Variants in KIAA1958 observed in about 807,000 individuals in gnomAD.
The protein encoded by KIAA1958 is uncharacterized protein KIAA1958.
KIAA1958 carries 14 observed loss-of-function variants against 47.2 expected under a neutral mutation model. The observed-to-expected ratio is 0.30, with a 90% confidence interval of 0.20 to 0.46. KIAA1958 has a LOEUF of 0.46. Ranked by LOEUF, KIAA1958 falls within the 20% of genes least tolerant of loss-of-function variation. KIAA1958 has a pLI of 1.00. For synonymous variants in KIAA1958, 354 were observed against 353.3 expected (o/e 1.00, Z -0.02); for missense variants, 803 against 909.2 (o/e 0.88, Z 1.50).
At chr9:112,510,298 A>G (rs1834302777) in intron 1 of KIAA1958, among the ~76,000 whole-genome samples, 1 of 152,222 alleles carries the variant, frequency 6.6e-6, no homozygotes, top group African/African-American at 2.4e-5. Flanking sequence ...CATAGTGAGC[A>G]TGAACTGCTT....
At chr9:112,564,558 C>T (rs1447357273) in intron 1 of KIAA1958, among the ~76,000 whole-genome samples, 1 of 152,064 alleles carries the variant, frequency 6.6e-6, no homozygotes, top group South Asian at 2.1e-4. Context: ...TCCTTTCATA[C>T]CTTTTTTTTC....
chr9:112,614,829 T>A (rs2131213663), intron 2 of KIAA1958, among the ~76,000 whole-genome samples: 1 of 152,292 alleles, frequency 6.6e-6, no homozygotes, highest in East Asian at 1.9e-4. Context: ...GTTAGCATGG[T>A]GCTGAAATGT....
At position 112,575,242 on chromosome 9, in the gene KIAA1958, T is replaced by C; in HGVS notation, c.1162T>C (p.Cys388Arg). Residue 388 changes from cysteine (C) to arginine (R), a missense_variant, in exon 2 of 4, where the codon TGC becomes CGC. By Grantham distance (180) the Cys-to-Arg change is radical (BLOSUM62 -3). Around this residue, in one of 2 missense-constraint regions of KIAA1958, gnomAD observed 761 missense variants for 829.3 expected, o/e 0.92. Coordinates refer to ENST00000337530, the MANE Select transcript of KIAA1958 (RefSeq NM_133465.4). ...PAITTEATAQ[C>R]IPAYSTKLNK... is the part of the protein sequence containing the mutation. ...CATAACCACTGAGGCCACAGCACAGTGCATACCAGGTATGGCACATGAGGC... is the reference window on the plus strand; with the variant it reads ...CATAACCACTGAGGCCACAGCACAGCGCATACCAGGTATGGCACATGAGGC... 6.5e-7 allele frequency: 1 copy of C among 1,529,376 alleles called. No individual in the cohort carries two copies. The highest frequency in any genetic ancestry group is 1.2e-5 in the South Asian group (1 of 80,122). The allele number at this position is 1,529,376 out of a possible 1,614,324, so 94.7% of individuals were successfully genotyped here.
intron 2 of KIAA1958, among the ~76,000 whole-genome samples, chr9:112,631,822 G>C (rs1451517691): frequency 3.9e-5 from 6 of 152,086 alleles, no homozygotes; most frequent in Admixed American, 1.3e-4. Context: ...TTTGAAAGTA[G>C]ATTTTTATGT....
chr9:112,550,670 C>T (rs886915260), intron 1 of KIAA1958, among the ~76,000 whole-genome samples: 3 of 152,204 alleles, frequency 2.0e-5, no homozygotes, highest in Non-Finnish European at 4.4e-5. Context: ...AGTTGAATCA[C>T]ATGAGGAATG....
In KIAA1958 at chr9:112,618,948, T is replaced by C; in HGVS notation, c.1172-26702T>C. 1.3e-6 allele frequency: 2 copies of C among 1,497,128 alleles called. No individual in the cohort carries two copies. The highest frequency in any genetic ancestry group is 1.8e-6 in the Non-Finnish European group (2 of 1,115,288). 92.7% of individuals were successfully genotyped at this position (1,497,128 alleles called of 1,614,324 possible). On this transcript the variant is annotated intron_variant, in intron 2 of 3. Transcript: ENST00000337530. The surrounding 1 kb of genome is among the most constrained non-coding windows in gnomAD (Gnocchi z 7.1). ...GGCTTGAGCAAGACTCCAGTTTGGT[T>C]ACTGTGTCCGGAGAAACTGTGATTA...
In KIAA1958 at chr9:112,635,214, T is replaced by TTGTGTGTGTG. The variant is rs71999105; in HGVS notation, c.1172-10394_1172-10385dup. The stretch of plus-strand genomic sequence containing the variant: ...AAGTTTTATTTTGAGATTCTTTATT[T>TTGTGTGTGTG]TGTGTGTGTGTGTGTGTGTGTGTGT... On this transcript the variant is annotated intron_variant, in intron 2 of 3. Transcript: ENST00000337530. Among the ~76,000 whole-genome samples, 683 of 130,396 alleles carry TTGTGTGTGTG rather than the reference T, an allele frequency of 5.2e-3. 12 individuals are homozygous for TTGTGTGTGTG. Among genetic ancestry groups the TTGTGTGTGTG allele is most frequent in the African/African-American group, 0.014 (467 of 33,914 alleles). 85.5% of individuals were successfully genotyped at this position (130,396 alleles called of 152,430 possible).
intron 3 of KIAA1958, among the ~76,000 whole-genome samples, chr9:112,658,345 T>A (rs1172700409): frequency 2.6e-5 from 4 of 152,220 alleles, no homozygotes; most frequent in African/African-American, 7.2e-5. Flanking sequence ...TGTGCAGATA[T>A]CAAGGAAATC....
rs144756569 is a variant in KIAA1958, at chr9:112,584,927, G to A, written c.1171+9676G>A. On this transcript the variant is annotated intron_variant, in intron 2 of 3. Transcript: ENST00000337530. ...TGGTACAGGAGTAGTCTAAACTGCCGACTGCTTCCCCTTCCTCTCCTTTTA... is the reference window on the plus strand; with the variant it reads ...TGGTACAGGAGTAGTCTAAACTGCCAACTGCTTCCCCTTCCTCTCCTTTTA... 1.4e-4 allele frequency among the ~76,000 whole-genome samples: 22 copies of A among 152,250 alleles called. 2 individuals carry two copies. Among genetic ancestry groups the A allele is most frequent in the African/African-American group, 4.8e-4 (20 of 41,532 alleles).
At chr9:112,501,502 A>G (rs1834138372) in intron 1 of KIAA1958, among the ~76,000 whole-genome samples, 3 of 152,210 alleles carry the variant, frequency 2.0e-5, no homozygotes, top group South Asian at 4.1e-4. Context: ...GAGGGCAGCC[A>G]ACCAGGGCTG....
chr9:112,491,590 T>G (rs1035515712), intron 1 of KIAA1958, among the ~76,000 whole-genome samples: 1 of 151,726 alleles, frequency 6.6e-6, no homozygotes, highest in African/African-American at 2.4e-5. Flanking sequence ...TTAAGAAACC[T>G]GCAAAGAACC....
intron 1 of KIAA1958, among the ~76,000 whole-genome samples, chr9:112,526,598 G>C (rs1363982727): frequency 6.6e-6 from 1 of 152,184 alleles, no homozygotes; most frequent in Admixed American, 6.5e-5. Flanking sequence ...AGTTCTGGAG[G>C]CTGGGAAGTC....
chr9:112,630,474 T>G (rs910415600), intron 2 of KIAA1958, among the ~76,000 whole-genome samples: 17 of 152,198 alleles, frequency 1.1e-4, no homozygotes, highest in African/African-American at 3.6e-4. Context: ...AGGGAGACTT[T>G]CTATTTTAAA....
At chr9:112,598,010 C>T (rs374376119) in intron 2 of KIAA1958, among the ~76,000 whole-genome samples, 3 of 152,068 alleles carry the variant, frequency 2.0e-5, no homozygotes, top group East Asian at 1.9e-4. Flanking sequence ...ATGTTATAGA[C>T]GTTAATCAAG....
At chr9:112,543,383 G>A (rs1308519748) in intron 1 of KIAA1958, among the ~76,000 whole-genome samples, 1 of 152,056 alleles carries the variant, frequency 6.6e-6, no homozygotes, top group Non-Finnish European at 1.5e-5. Context: ...ATGTATCTCT[G>A]AGCAAAATAT....
intron 1 of KIAA1958, among the ~76,000 whole-genome samples, chr9:112,493,048 G>A (rs1256718320): frequency 6.6e-6 from 1 of 151,212 alleles, no homozygotes; most frequent in African/African-American, 2.4e-5. Context: ...CACTGTGCCT[G>A]GCCAAAATTC....
At chr9:112,608,871 C>A (rs1244603389) in intron 2 of KIAA1958, among the ~76,000 whole-genome samples, 3 of 151,782 alleles carry the variant, frequency 2.0e-5, no homozygotes, top group African/African-American at 7.3e-5. Flanking sequence ...AGAGCCCCTT[C>A]CTCAGAAAAA....
intron 3 of KIAA1958, among the ~76,000 whole-genome samples, chr9:112,654,253 T>G (rs1837111094): frequency 6.6e-6 from 1 of 152,270 alleles, no homozygotes; most frequent in Middle Eastern, 3.4e-3. Flanking sequence ...AAATAAGATT[T>G]TCTACTCAGC....
chr9:112,494,398 C>A (rs1305320654), intron 1 of KIAA1958, among the ~76,000 whole-genome samples: 1 of 150,330 alleles, frequency 6.7e-6, no homozygotes, highest in African/African-American at 2.4e-5. Flanking sequence ...ATTATTTTTT[C>A]TTATTTTTTA....
Sources: gnomAD v4.1 joint callset for allele counts (sites outside exome capture counted in the v4.1 genomes callset) on GRCh38, gnomAD v4.1.1 for gene constraint, gnomAD v4.1.1 regional missense constraint, Gnocchi (gnomAD v3.1) non-coding constraint, MANE v1.5 for transcripts, NCBI Gene and HGNC (gene_info 2026-07-23, HGNC 2026-07-21) for gene names.